The following GAA variants were observed in gnomAD, a reference collection of about 807,000 sequenced individuals.
GAA encodes lysosomal alpha-glucosidase.
Under a neutral mutation model 103.9 loss-of-function variants are expected in GAA, and 88 were observed. That is an observed-to-expected ratio of 0.85 (90% confidence interval 0.71 to 1.01). GAA has a LOEUF of 1.01. Ranked by LOEUF, GAA falls within the 50% of genes least tolerant of loss-of-function variation. The pLI is 0.00. For missense variants in GAA, 1,350 were observed against 1,305.3 expected, an observed-to-expected ratio of 1.03 and a Z score of -0.53; for synonymous variants, 572 against 563.1, an observed-to-expected ratio of 1.02 and a Z score of -0.22.
rs201409613 is a variant in GAA, at chr17:80,110,035, G to T, written c.1417G>T (p.Gly473Cys). The T allele has an allele frequency of 1.2e-6, 2 of 1,613,188 alleles. No individual in the cohort carries two copies. Among genetic ancestry groups the T allele is most frequent in the Non-Finnish European group, 8.5e-7 (1 of 1,179,866 alleles). ...RRGVFITNETGQPLIGKVWPG... is the reference protein window; with the variant it reads ...RRGVFITNETCQPLIGKVWPG... ...GGGGGTTTTCATCACCAACGAGACCGGCCAGCCGCTGATTGGGAAGGTAGG... is the reference window on the plus strand; with the variant it reads ...GGGGGTTTTCATCACCAACGAGACCTGCCAGCCGCTGATTGGGAAGGTAGG... Residue 473 changes from glycine to cysteine, a missense_variant, in exon 9 of 20, where the codon GGC (glycine) becomes TGC (cysteine). Gly to Cys is a radical substitution (Grantham distance 159). Transcript: ENST00000302262.
chr17:80,107,958 C>A, intron 5 of GAA, 62 bp downstream of exon 5: 1 of 1,485,364 alleles, frequency 6.7e-7, no homozygotes, highest in Non-Finnish European at 9.2e-7. Flanking sequence ...GCCCTGGAGA[C>A]TGGAGGTCCG....
At chr17:80,109,203 C>T (rs987378244) in intron 8 of GAA, among the ~76,000 whole-genome samples, 1 of 152,192 alleles carries the variant, frequency 6.6e-6, no homozygotes, top group African/African-American at 2.4e-5. Context: ...TCTGGCCGTG[C>T]CTCTCCTTCT....
At chr17:80,117,875 T>A in intron 17 of GAA, 126 bp downstream of exon 17, 1 of 1,027,312 alleles carries the variant, frequency 9.7e-7, no homozygotes, top group Non-Finnish European at 1.4e-6. Context: ...GCAGTGTAGG[T>A]TATCAAGGAG....
At position 80,104,190 on chromosome 17, in the gene GAA, G is replaced by C. The variant is rs2039014871; in HGVS notation, c.-32-365G>C. On this transcript the variant is annotated intron_variant, in intron 1 of 19. Coordinates refer to ENST00000302262, the MANE Select transcript of GAA (RefSeq NM_000152.5). This position sits in a 1 kb window ranked among gnomAD's most constrained non-coding sequence, Gnocchi z 4.0. The stretch of plus-strand genomic sequence containing the variant: ...GAAGTGGGAGGATTGCTTGAGTCTG[G>C]GAGGTGGAGGTTGCAGTGAGCCAGG... Among the ~76,000 whole-genome samples, 1 of 152,204 alleles carries C rather than the reference G, an allele frequency of 6.6e-6. No individual in the cohort carries two copies. Among genetic ancestry groups the C allele is most frequent in the Non-Finnish European group, 1.5e-5 (1 of 68,026 alleles).
chr17:80,106,436 GA>G (rs1371323027), intron 3 of GAA, among the ~76,000 whole-genome samples: 69 of 68,896 alleles, frequency 1.0e-3, no homozygotes, highest in South Asian at 3.7e-3. Context: ...AGACGCAGGG[GA>G]CAGGGATGGC....
rs113085339 is a variant in GAA, at chr17:80,105,878, C to G, written c.676C>G (p.Leu226Val). 4.3e-4 allele frequency: 692 copies of G among 1,598,310 alleles called. 6 individuals carry two copies. The African/African-American group carries it at 6.8e-3, about 16-fold the overall frequency. The change falls in exon 3 of 20, where the codon CTG becomes GTG. Residue 226 changes from leucine to valine, a missense_variant. Leu to Val is a conservative substitution (Grantham distance 32, BLOSUM62 1). Coordinates refer to ENST00000302262, the MANE Select transcript of GAA (RefSeq NM_000152.5). ...CTTCGGGGTGATCGTGCGCCGGCAG[C>G]TGGACGGCCGCGTGCTGTGAGTTCT... Reference protein sequence around the residue: ...EPFGVIVRRQLDGRVLLNTTV... With the variant: ...EPFGVIVRRQVDGRVLLNTTV...
At position 80,119,418 on chromosome 17, in the gene GAA, C is replaced by T; in HGVS notation, c.*87C>T. On this transcript the variant is annotated 3_prime_UTR_variant, in exon 20 of 20. Transcript: ENST00000302262. ...GTGCGGGCAGCAGCTGTGTGCGGGC[C>T]TGGGGGTTGCATGTGTCACCTGGAG... is the stretch of plus-strand genomic sequence containing the variant. 1.7e-6 allele frequency: 2 copies of T among 1,168,204 alleles called. No individual in the cohort carries two copies. The highest frequency in any genetic ancestry group is 2.3e-5 in the East Asian group (1 of 42,610). The allele number at this position is 1,168,204 out of a possible 1,614,324, so 72.4% of individuals were successfully genotyped here.
At chr17:80,111,846 G>T (rs909539703) in intron 11 of GAA, 137 bp from the exon 12 acceptor site, 2 of 679,788 alleles carry the variant, frequency 2.9e-6, no homozygotes, top group Non-Finnish European at 5.2e-6. Context: ...CGTGGGGAGC[G>T]GCTGCAGGTG....
At chr17:80,115,587 A>G (rs940979754) in intron 15 of GAA, among the ~76,000 whole-genome samples, 5 of 152,130 alleles carry the variant, frequency 3.3e-5, no homozygotes, top group Admixed American at 6.5e-5. Context: ...TCTAGGGACA[A>G]TTTTTATTAA....
intron 3 of GAA, 145 bp from the exon 4 acceptor site, chr17:80,107,412 G>T (rs1026293295): frequency 4.7e-6 from 5 of 1,056,984 alleles, no homozygotes; most frequent in East Asian, 4.7e-5. Context: ...CGGCACGGCC[G>T]CCTGTCCCAG....
At position 80,117,101 on chromosome 17, in the gene GAA, C is replaced by A. The variant is rs147290429; in HGVS notation, c.2323C>A (p.Leu775Met). 5.3e-5 allele frequency: 86 copies of A among 1,612,794 alleles called. No homozygotes were observed. The African/African-American group carries it at 9.9e-4, about 18-fold the overall frequency. Residue 775 changes from leucine (L) to methionine (M), a missense_variant, in exon 16 of 20, where the codon CTG becomes ATG. By Grantham distance (15) the Leu-to-Met change is conservative. Coordinates refer to ENST00000302262, the MANE Select transcript of GAA (RefSeq NM_000152.5). ...GYFPLGTWYDLQTVPVEALGS... is the reference protein window; with the variant it reads ...GYFPLGTWYDMQTVPVEALGS... ...CTTCCCCTTGGGCACATGGTACGAC[C>A]TGCAGACGGTGAGTCTGGGGACCCT... is the stretch of plus-strand genomic sequence containing the variant.
Position 80,108,298 on chromosome 17 carries a change from C to G in GAA, c.964C>G (p.Leu322Val). 1 of 1,613,604 alleles carries G rather than the reference C, an allele frequency of 6.2e-7. No homozygotes were observed. The change falls in exon 6 of 20, where the codon CTG (leucine) becomes GTG (valine). Residue 322 changes from leucine to valine, a missense_variant. Physicochemically the swap from Leu to Val is conservative, Grantham distance 32 (BLOSUM62 1). Transcript: ENST00000302262. ...LLNSNAMDVV[L>V]QPSPALSWRS... ...AGCTGCTTCCCTTCCAGATGTGGTC[C>G]TGCAGCCGAGCCCTGCCCTTAGCTG...
At chr17:80,113,121 C>A in intron 14 of GAA, 94 bp downstream of exon 14, 1 of 1,540,522 alleles carries the variant, frequency 6.5e-7, no homozygotes. Flanking sequence ...GCACCCCATG[C>A]TGGGTGGCTG....
At chr17:80,109,898 C>T in intron 8 of GAA, 47 bp from the exon 9 acceptor site, 2 of 1,477,820 alleles carry the variant, frequency 1.4e-6, no homozygotes, top group South Asian at 1.1e-5. Flanking sequence ...GTGGCTGGCG[C>T]CAGGGCTCTG....
rs949337654 is a variant in GAA at position 80,110,578 on chromosome 17, G to T, written c.1438-149G>T. 1.2e-5 allele frequency: 8 copies of T among 660,162 alleles called. No individual in the cohort carries two copies. The Admixed American group carries it at 1.7e-4, about 14-fold the overall frequency. 40.9% of individuals were successfully genotyped at this position (660,162 alleles called of 1,614,324 possible). Reference sequence around the variant, plus strand: ...CCTTGTGGAGAAAGAGCTGCTCATTGACCTCCAGGGTGCAGGTCTCTCAGA... The same window carrying T: ...CCTTGTGGAGAAAGAGCTGCTCATTTACCTCCAGGGTGCAGGTCTCTCAGA... On this transcript the variant is annotated intron_variant, in intron 9 of 19. Transcript: ENST00000302262.
Position 80,117,686 on chromosome 17 carries a change from G to A in GAA, c.2418G>A (p.Thr806=), listed in dbSNP as rs371528938. 1.9e-5 allele frequency: 31 copies of A among 1,612,460 alleles called. No homozygotes were observed. The South Asian group carries it at 2.4e-4, about 13-fold the overall frequency. The change falls in exon 17 of 20, where the codon ACG becomes ACA. Residue 806 remains threonine, a synonymous_variant. Transcript: ENST00000302262. ...PAIHSEGQWV[T]LPAPLDTINV... is the part of the protein sequence containing the mutation. ...TCCACAGCGAGGGGCAGTGGGTGAC[G>A]CTGCCGGCCCCCCTGGACACCATCA...
Position 80,112,666 on chromosome 17 carries a change from G to T in GAA, c.1843G>T (p.Gly615Trp). ...GHGRYAGHWTGDVWSSWEQLA... is the reference protein window; with the variant it reads ...GHGRYAGHWTWDVWSSWEQLA... ...CGGCCGATACGCCGGCCACTGGACG[G>T]GGGACGTGTGGAGCTCCTGGGAGCA... The change falls in exon 13 of 20, where the codon GGG (glycine) becomes TGG (tryptophan). Residue 615 changes from glycine (G) to tryptophan (W), a missense_variant. By Grantham distance (184) the Gly-to-Trp change is radical (BLOSUM62 -2). Transcript: ENST00000302262. The T allele has an allele frequency of 6.2e-7, 1 of 1,612,222 alleles. No homozygotes were observed. The highest frequency in any genetic ancestry group is 8.5e-7 in the Non-Finnish European group (1 of 1,179,714).
Position 80,113,289 on chromosome 17 carries a change from A to C in GAA, c.2112A>C (p.Ala704=), listed in dbSNP as rs1449566083. Residue 704 remains alanine (A), a synonymous_variant, in exon 15 of 20, where the codon GCA becomes GCC. Transcript: ENST00000302262. ...AMRKALTLRY[A]LLPHLYTLFH... ...GGAAGGCCCTCACCCTGCGCTACGC[A>C]CTCCTCCCCCACCTCTACACACTGT... The C allele has an allele frequency of 3.8e-6, 6 of 1,598,410 alleles. No individual in the cohort carries two copies. Among genetic ancestry groups the C allele is most frequent in the Non-Finnish European group, 5.1e-6 (6 of 1,173,164 alleles).
chr17:80,108,497 T>G lies in GAA; in HGVS notation c.1084T>G (p.Phe362Val). ...TCGGCGTTGGCCTGCAGGATACCCG[T>G]TCATGCCGCCATACTGGGGCCTGGG... Reference protein sequence around the residue: ...QQYLDVVGYPFMPPYWGLGFH... With the variant: ...QQYLDVVGYPVMPPYWGLGFH... Residue 362 changes from phenylalanine to valine, a missense_variant, in exon 7 of 20, where the codon TTC (phenylalanine) becomes GTC (valine). By Grantham distance (50) the Phe-to-Val change is conservative (BLOSUM62 -1). Coordinates refer to ENST00000302262, the MANE Select transcript of GAA (RefSeq NM_000152.5). 6.2e-7 allele frequency: 1 copy of G among 1,613,094 alleles called. No individual in the cohort carries two copies. Among genetic ancestry groups the G allele is most frequent in the Middle Eastern group, 1.7e-4 (1 of 6,058 alleles).
Sources: allele counts gnomAD v4.1 joint callset (sites outside exome capture counted in the v4.1 genomes callset), GRCh38; gene constraint gnomAD v4.1.1; non-coding constraint Gnocchi (gnomAD v3.1); transcripts MANE v1.5; gene names NCBI Gene and HGNC (gene_info 2026-07-23, HGNC 2026-07-21).